SASH1: variants seen among roughly 807,000 people sequenced by gnomAD.
SASH1 encodes the protein SAM and SH3 domain containing 1, also known as SAM and SH3 domain-containing protein 1.
A neutral mutation model predicts 125.2 loss-of-function variants in SASH1; 44 were observed. The ratio of observed to expected loss-of-function variants is 0.35; its 90% confidence interval spans 0.28 to 0.45. The LOEUF (loss-of-function observed/expected upper bound fraction) is 0.45, where lower values mean the gene tolerates loss of function less well. SASH1 is among the 20% of genes least tolerant of loss of function. SASH1 has a pLI of 1.00. For missense variants in SASH1, 1,426 were observed against 1,614.5 expected (o/e 0.88, Z 2.00); for synonymous variants, 639 against 649.1 (o/e 0.98, Z 0.24).
intron 19 of SASH1, among the ~76,000 whole-genome samples, chr6:148,547,103 A>G (rs1014451065): frequency 2.6e-5 from 4 of 151,978 alleles, no homozygotes; most frequent in African/African-American, 9.7e-5. Flanking sequence ...TTCTTTTCTT[A>G]TTAAGTCAAG....
At position 148,329,659 on chromosome 6, in the gene SASH1, C is replaced by T. The variant is rs140748821; in HGVS notation, n.74+57282C>T. On this transcript the variant is annotated intron_variant and non_coding_transcript_variant, in intron 1 of 3. Coordinates refer to the SASH1 transcript ENST00000367469. ...GTGTATGTGTGTGTGTCTGTGCATC[C>T]GTGTGTGTCACAAAAAATGCAATTA... is the stretch of plus-strand genomic sequence containing the variant. 7.2e-5 allele frequency among the ~76,000 whole-genome samples: 11 copies of T among 152,154 alleles called. No homozygotes were observed. The East Asian group carries it at 1.9e-3, about 27-fold the overall frequency.
At chr6:148,419,561 A>G (rs924299482) in intron 2 of SASH1, among the ~76,000 whole-genome samples, 5 of 152,182 alleles carry the variant, frequency 3.3e-5, no homozygotes, top group Non-Finnish European at 5.9e-5. Context: ...ACCATGTAGT[A>G]TTGGGGATGC....
chr6:148,451,296 A>T lies in SASH1; in HGVS notation c.386+10889A>T, dbSNP rs376223872. Among the ~76,000 whole-genome samples the T allele has an allele frequency of 2.0e-5, 3 of 152,260 alleles. No homozygotes were observed. In the East Asian group the frequency reaches 5.8e-4, roughly 29 times the overall value. On this transcript the variant is annotated intron_variant, in intron 4 of 19. Coordinates refer to ENST00000367467, the MANE Select transcript of SASH1 (RefSeq NM_015278.5). Reference sequence around the variant, plus strand: ...CTACCTTGGGCTTACTCGTGACCCAACATGTGTCAGTGTCTCCCCAGACTG... The same window carrying T: ...CTACCTTGGGCTTACTCGTGACCCATCATGTGTCAGTGTCTCCCCAGACTG...
At chr6:148,199,367 C>T in the SASH1 span, among the ~76,000 whole-genome samples, 12 of 143,306 alleles carry the variant, frequency 8.4e-5, no homozygotes, top group African/African-American at 2.6e-4. Flanking sequence ...TGCAAGACTC[C>T]GTCTCAAGAA....
the SASH1 span, among the ~76,000 whole-genome samples, chr6:148,240,962 A>G: frequency 6.6e-6 from 1 of 152,114 alleles, no homozygotes; most frequent in South Asian, 2.1e-4. Context: ...TTTTGCCTGC[A>G]TAGTCACCAT....
intron 1 of SASH1, among the ~76,000 whole-genome samples, chr6:148,285,522 C>A (rs1388557569): frequency 6.6e-6 from 1 of 152,166 alleles, no homozygotes; most frequent in Non-Finnish European, 1.5e-5. Flanking sequence ...AGTATTGATG[C>A]TGCCCTTGCT....
chr6:148,516,282 A>T (rs896877037), intron 9 of SASH1, among the ~76,000 whole-genome samples: 3 of 130,874 alleles, frequency 2.3e-5, no homozygotes, highest in Admixed American at 1.6e-4. Context: ...AATCTCACCC[A>T]TCTTCTCAGG....
chr6:148,517,450 G>C (rs926250322), intron 9 of SASH1, among the ~76,000 whole-genome samples: 4 of 152,192 alleles, frequency 2.6e-5, no homozygotes, highest in African/African-American at 9.7e-5. Flanking sequence ...GTGATGGAGT[G>C]AGCTCATCTT....
At chr6:148,307,302 G>A (rs144692185) in intron 1 of SASH1, among the ~76,000 whole-genome samples, 1,660 of 151,714 alleles carry the variant, frequency 0.011, 27 homozygotes, top group African/African-American at 0.038. Context: ...ATTTTTAGTG[G>A]AGACAGGGTT....
chr6:148,537,804 G>GTGTGTA (rs2115428715), intron 16 of SASH1, among the ~76,000 whole-genome samples: 1 of 149,084 alleles, frequency 6.7e-6, no homozygotes, highest in African/African-American at 2.5e-5. Flanking sequence ...GTGTGTGTGT[G>GTGTGTA]TGTGTGTGTG....
the SASH1 span, among the ~76,000 whole-genome samples, chr6:148,264,816 G>C: frequency 6.6e-6 from 1 of 152,052 alleles, no homozygotes; most frequent in African/African-American, 2.4e-5. Context: ...CCTCCATCTC[G>C]ACCCCCTGTT....
At chr6:148,257,628 C>CTTTTTT in the SASH1 span, among the ~76,000 whole-genome samples, 7 of 127,134 alleles carry the variant, frequency 5.5e-5, no homozygotes, top group Non-Finnish European at 8.2e-5. Flanking sequence ...TGTCAGTTTA[C>CTTTTTT]TTTTTTTTTT....
intron 7 of SASH1, among the ~76,000 whole-genome samples, chr6:148,483,033 G>C (rs902404994): frequency 2.0e-5 from 3 of 152,130 alleles, no homozygotes; most frequent in Non-Finnish European, 2.9e-5. Context: ...TTCCCTGGAA[G>C]CACAGCCTGA....
intron 16 of SASH1, among the ~76,000 whole-genome samples, chr6:148,537,941 GT>G (rs1204772641): frequency 6.6e-6 from 1 of 152,040 alleles, no homozygotes; most frequent in Non-Finnish European, 1.5e-5. Context: ...GCACTTTGCT[GT>G]GATTTGACTG....
At chr6:148,406,340 T>TA (rs35034809) in intron 2 of SASH1, among the ~76,000 whole-genome samples, 7,820 of 148,482 alleles carry the variant, frequency 0.053, 254 homozygotes, top group Non-Finnish European at 0.076. Flanking sequence ...CTGCAAGAGA[T>TA]AAAAAAAAAA....
At chr6:148,299,971 G>A (rs1779896068) in intron 1 of SASH1, among the ~76,000 whole-genome samples, 1 of 152,082 alleles carries the variant, frequency 6.6e-6, no homozygotes, top group Admixed American at 6.6e-5. Context: ...TCAATGCCTG[G>A]GGCCTGTTTC....
intron 8 of SASH1, among the ~76,000 whole-genome samples, chr6:148,510,656 A>G (rs1780061941): frequency 6.6e-6 from 1 of 152,084 alleles, no homozygotes; most frequent in Non-Finnish European, 1.5e-5. Context: ...GTTTATAAAT[A>G]TAAAAATTCT....
chr6:148,415,295 T>A (rs1000145587), intron 2 of SASH1, among the ~76,000 whole-genome samples: 33 of 152,206 alleles, frequency 2.2e-4, no homozygotes, highest in African/African-American at 7.2e-4. Flanking sequence ...GGGCACTGAT[T>A]TTAATGTATT....
intron 2 of SASH1, among the ~76,000 whole-genome samples, chr6:148,397,805 A>C (rs368491612): frequency 6.0e-4 from 92 of 152,344 alleles, no homozygotes; most frequent in African/African-American, 2.1e-3. Context: ...ATATATTTGA[A>C]ATATTTAATG....
Sources: gnomAD v4.1 joint callset for allele counts (sites outside exome capture counted in the v4.1 genomes callset) on GRCh38, gnomAD v4.1.1 for gene constraint, MANE v1.5 for transcripts, NCBI Gene and HGNC (gene_info 2026-07-23, HGNC 2026-07-21) for gene names.